Variants in FNTB observed in about 807,000 individuals in gnomAD.
FNTB encodes farnesyltransferase, CAAX box, subunit beta.
In FNTB, 27 loss-of-function variants were observed where a neutral mutation model predicts 59.4. The observed-to-expected ratio is 0.45, with a 90% CI of 0.34 to 0.63. The LOEUF is 0.63. FNTB is among the 20% of genes least tolerant of loss of function. The pLI is 0.02. For missense variants in FNTB, 449 were observed against 559.6 expected, an observed-to-expected ratio of 0.80 and a Z score of 1.99; for synonymous variants, 230 against 220.7, an observed-to-expected ratio of 1.04 and a Z score of -0.37.
In FNTB at chr14:65,044,502, T is replaced by G; in HGVS notation, c.955+59T>G. The G allele has an allele frequency of 6.4e-7, 1 of 1,558,996 alleles. No individual in the cohort carries two copies. ...TGATTTCCCTCCACTACTCACAAAG[T>G]CTGGAAGCCCAGCGTGCTTTTTTAG... On this transcript the variant is annotated intron_variant, in intron 9 of 11. Coordinates refer to ENST00000246166, the MANE Select transcript of FNTB (RefSeq NM_002028.4). This position sits in a 1 kb window ranked among gnomAD's most constrained non-coding sequence, Gnocchi z 5.5.
Position 65,044,377 on chromosome 14 carries a change from G to A in FNTB, c.889G>A (p.Asp297Asn). The change falls in exon 9 of 12, where the codon GAT becomes AAT. Residue 297 changes from aspartate to asparagine, a missense_variant. Asp to Asn is a conservative substitution (Grantham distance 23). This residue lies in a region of FNTB where 337 missense variants were observed against 479.1 expected (regional missense o/e 0.70). Transcript: ENST00000246166. This position sits in a 1 kb window ranked among gnomAD's most constrained non-coding sequence, Gnocchi z 5.5. ...TCAGGGCCGCTGCAACAAGCTGGTG[G>A]ATGGCTGCTACTCCTTCTGGCAGGC... ...GFQGRCNKLV[D>N]GCYSFWQAGL... 1 of 1,613,494 alleles carries A rather than the reference G, an allele frequency of 6.2e-7. No homozygotes were observed. The highest frequency in any genetic ancestry group is 8.5e-7 in the Non-Finnish European group (1 of 1,179,826).
rs2062515143 is a variant in FNTB at position 65,047,753 on chromosome 14, A to C, written c.955+3310A>C. Among the ~76,000 whole-genome samples, 1 of 152,172 alleles carries C rather than the reference A, an allele frequency of 6.6e-6. No individual in the cohort carries two copies. Among genetic ancestry groups the C allele is most frequent in the Admixed American group, 6.5e-5 (1 of 15,274 alleles). ...GTGCCTATCAAAAGGTTAAGGGTTAAATAATAAAAATCTCTCCAAACAGTA... is the reference window on the plus strand; with the variant it reads ...GTGCCTATCAAAAGGTTAAGGGTTACATAATAAAAATCTCTCCAAACAGTA... On this transcript the variant is annotated intron_variant, in intron 9 of 11. Transcript: ENST00000246166. The surrounding 1 kb of genome is among the most constrained non-coding windows in gnomAD (Gnocchi z 5.2).
chr14:65,041,053 A>AG, intron 8 of FNTB, 134 bp downstream of exon 8: 1 of 1,404,208 alleles, frequency 7.1e-7, no homozygotes, highest in Non-Finnish European at 9.5e-7. Flanking sequence ...ACACAGAGGA[A>AG]GGAGTGAGCA....
chr14:65,011,602 G>GT lies in FNTB; in HGVS notation c.210-712dup, dbSNP rs1348722142. ...AACATCTTGACAATCTGTGCTTTTT[G>GT]TTTCCTTCCCTAGTCACACAGGCTC... On this transcript the variant is annotated intron_variant, in intron 2 of 11. Transcript: ENST00000246166. The surrounding 1 kb of genome is among the most constrained non-coding windows in gnomAD (Gnocchi z 4.0). 3.3e-5 allele frequency among the ~76,000 whole-genome samples: 5 copies of GT among 152,182 alleles called. No individual in the cohort carries two copies. Among genetic ancestry groups the GT allele is most frequent in the Non-Finnish European group, 5.9e-5 (4 of 68,036 alleles).
rs182825787 is a variant in FNTB at position 65,017,508 on chromosome 14, T to C, written c.374+1792T>C. Among the ~76,000 whole-genome samples the C allele has an allele frequency of 3.6e-3, 542 of 152,274 alleles. 2 individuals are homozygous for C. The highest frequency in any genetic ancestry group is 0.013 in the African/African-American group (524 of 41,540). On this transcript the variant is annotated intron_variant, in intron 4 of 11. Coordinates refer to ENST00000246166, the MANE Select transcript of FNTB (RefSeq NM_002028.4). ...CGACTGAGTTTTTTTCTAGGCTGTGTACTTGGTGTTTTATAGTGAAGGCTT... is the reference window on the plus strand; with the variant it reads ...CGACTGAGTTTTTTTCTAGGCTGTGCACTTGGTGTTTTATAGTGAAGGCTT...
At chr14:65,004,056 G>T (rs1480250173) in intron 1 of FNTB, among the ~76,000 whole-genome samples, 193 bp from the exon 2 acceptor site, 1 of 152,202 alleles carries the variant, frequency 6.6e-6, no homozygotes, top group African/African-American at 2.4e-5. Flanking sequence ...TGTGATGCCA[G>T]CATGGTACAG....
chr14:65,027,337 C>T lies in FNTB; in HGVS notation c.375-116C>T, dbSNP rs1169230859. The T allele has an allele frequency of 6.4e-5, 95 of 1,495,766 alleles. No homozygotes were observed. The highest frequency in any genetic ancestry group is 8.0e-5 in the Non-Finnish European group (89 of 1,106,630). The allele number at this position is 1,495,766 out of a possible 1,614,324, so 92.7% of individuals were successfully genotyped here. The stretch of plus-strand genomic sequence containing the variant: ...ATTCAACAAGTGGGAGGAGAGGTTC[C>T]CCTCAACTTTTGAGGGAGTGGGGGA... On this transcript the variant is annotated intron_variant, in intron 4 of 11. Coordinates refer to ENST00000246166, the MANE Select transcript of FNTB (RefSeq NM_002028.4). This position sits in a 1 kb window ranked among gnomAD's most constrained non-coding sequence, Gnocchi z 5.7.
Position 65,023,624 on chromosome 14 carries a change from T to C in FNTB, c.375-3829T>C, listed in dbSNP as rs2061926553. Among the ~76,000 whole-genome samples the C allele has an allele frequency of 6.6e-6, 1 of 152,240 alleles. No individual in the cohort carries two copies. Among genetic ancestry groups the C allele is most frequent in the Non-Finnish European group, 1.5e-5 (1 of 68,030 alleles). ...ATTGGCCACTAGCCACAGTTAGTTG[T>C]GGAGTACTTGAAATGTGTCTTGTGT... is the stretch of plus-strand genomic sequence containing the variant. On this transcript the variant is annotated intron_variant, in intron 4 of 11. Coordinates refer to ENST00000246166, the MANE Select transcript of FNTB (RefSeq NM_002028.4). The surrounding 1 kb of genome is among the most constrained non-coding windows in gnomAD (Gnocchi z 4.1).
Position 65,011,167 on chromosome 14 carries a change from G to A in FNTB, c.210-1150G>A, listed in dbSNP as rs2061677197. On this transcript the variant is annotated intron_variant, in intron 2 of 11. Transcript: ENST00000246166. The surrounding 1 kb of genome is among the most constrained non-coding windows in gnomAD (Gnocchi z 4.0). The stretch of plus-strand genomic sequence containing the variant: ...TGAAGGGCTGGGTGCGGTGGCTCAC[G>A]CCTGTAATCCCAGCATTTTGGGAGG... 6.6e-6 allele frequency among the ~76,000 whole-genome samples: 1 copy of A among 152,146 alleles called. No individual in the cohort carries two copies. The highest frequency in any genetic ancestry group is 2.4e-5 in the African/African-American group (1 of 41,432).
At chr14:65,055,691 A>G (rs2062720460) in intron 11 of FNTB, among the ~76,000 whole-genome samples, 1 of 151,706 alleles carries the variant, frequency 6.6e-6, no homozygotes, top group African/African-American at 2.4e-5. Flanking sequence ...TAATTTTTGT[A>G]TTTTTAGTAG....
At chr14:64,996,899 A>G (rs1053095772) in intron 1 of FNTB, among the ~76,000 whole-genome samples, 4 of 151,344 alleles carry the variant, frequency 2.6e-5, no homozygotes, top group Non-Finnish European at 4.4e-5. Flanking sequence ...AGCCCTTATC[A>G]TAAGTTGTGT....
In FNTB at chr14:64,991,610, G is replaced by GA. The variant is rs1888201307; in HGVS notation, c.144+4520dup. The stretch of plus-strand genomic sequence containing the variant: ...CAGAGCAAGACTCCATCTCAAAAAA[G>GA]AAAAAAATAAGAAGAATATGCTATA... On this transcript the variant is annotated intron_variant, in intron 1 of 11. Transcript: ENST00000246166. The surrounding 1 kb of genome is among the most constrained non-coding windows in gnomAD (Gnocchi z 4.4). Among the ~76,000 whole-genome samples, 1 of 151,910 alleles carries GA rather than the reference G, an allele frequency of 6.6e-6. No homozygotes were observed. The highest frequency in any genetic ancestry group is 2.4e-5 in the African/African-American group (1 of 41,454).
chr14:64,989,242 T>C (rs1888082964), intron 1 of FNTB, among the ~76,000 whole-genome samples: 1 of 147,758 alleles, frequency 6.8e-6, no homozygotes, highest in Admixed American at 6.8e-5. Flanking sequence ...AGAGACCAAC[T>C]TGGGCAACAT....
In FNTB at chr14:65,054,301, G is replaced by A. The variant is rs760230489; in HGVS notation, c.1068-274G>A. On this transcript the variant is annotated intron_variant, in intron 10 of 11. Transcript: ENST00000246166. The surrounding 1 kb of genome is among the most constrained non-coding windows in gnomAD (Gnocchi z 4.4). Reference sequence around the variant, plus strand: ...CTAATTTTTAATTTTTTGTAGAGACGGGGTCTCCCATGTTGCCCAAGTTGG... The same window carrying A: ...CTAATTTTTAATTTTTTGTAGAGACAGGGTCTCCCATGTTGCCCAAGTTGG... Among the ~76,000 whole-genome samples the A allele has an allele frequency of 8.6e-5, 13 of 151,778 alleles. No homozygotes were observed. The highest frequency in any genetic ancestry group is 4.6e-4 in the Admixed American group (7 of 15,208).
At chr14:65,050,711 G>A (rs72728268) in intron 9 of FNTB, among the ~76,000 whole-genome samples, 15,060 of 152,186 alleles carry the variant, frequency 0.099, 988 homozygotes, top group Admixed American at 0.17. Context: ...ATTTTTGACA[G>A]CTCCTGCAGA....
chr14:65,052,038 A>AC (rs1403469124), intron 9 of FNTB, among the ~76,000 whole-genome samples: 1 of 150,782 alleles, frequency 6.6e-6, no homozygotes, highest in African/African-American at 2.4e-5. Flanking sequence ...CTCGTGATCA[A>AC]CCCCCCTCAG....
rs1014585287 is a variant in FNTB at position 65,001,405 on chromosome 14, T to C, written c.145-2844T>C. ...GTGGCCCAGGAGCAGTAGGCCACAC[T>C]ATACAGCCTATGCGTGTGGTAGGCT... On this transcript the variant is annotated intron_variant, in intron 1 of 11. Transcript: ENST00000246166. This position sits in a 1 kb window ranked among gnomAD's most constrained non-coding sequence, Gnocchi z 5.5. Among the ~76,000 whole-genome samples, 1 of 152,242 alleles carries C rather than the reference T, an allele frequency of 6.6e-6. No homozygotes were observed. Among genetic ancestry groups the C allele is most frequent in the African/African-American group, 2.4e-5 (1 of 41,468 alleles).
chr14:65,057,862 T>C (rs907723435), intron 11 of FNTB, among the ~76,000 whole-genome samples: 2 of 152,168 alleles, frequency 1.3e-5, no homozygotes, highest in Admixed American at 6.5e-5. Flanking sequence ...CAAGTTTCCA[T>C]ACATGAAGGG....
At chr14:65,043,865 T>C (rs904605373) in intron 8 of FNTB, among the ~76,000 whole-genome samples, 2 of 107,506 alleles carry the variant, frequency 1.9e-5, no homozygotes, top group Non-Finnish European at 3.9e-5. Flanking sequence ...AAAAAAGAAA[T>C]GTAGTACCAA....
Sources: allele counts gnomAD v4.1 joint callset (sites outside exome capture counted in the v4.1 genomes callset), GRCh38; gene constraint gnomAD v4.1.1; regional missense constraint gnomAD v4.1.1; non-coding constraint Gnocchi (gnomAD v3.1); transcripts MANE v1.5; gene names NCBI Gene and HGNC (gene_info 2026-07-23, HGNC 2026-07-21).